The following CCL14 variants were observed in gnomAD, a reference collection of about 807,000 sequenced individuals.
CCL14 encodes the protein C-C motif chemokine 14.
A neutral mutation model predicts 8.2 loss-of-function variants in CCL14; 8 were observed. The ratio of observed to expected loss-of-function variants is 0.98; its 90% CI spans 0.57 to 1.76. CCL14 has a LOEUF of 1.76. Among genes scored for constraint, CCL14 ranks in the 40% most tolerant of loss-of-function variants. CCL14 has a pLI of 0.00. For synonymous variants in CCL14, 50 were observed against 43.2 expected (o/e 1.16, Z -0.62); for missense variants, 127 against 118.3 (o/e 1.07, Z -0.34).
chr17:35,983,777 C>T lies in CCL14; in HGVS notation c.*24G>A. ...CTTCTCTTTATGTCTCTGAGCTGTG[C>T]CTTCGCCACCCCTTCTGGGTCACTC... is the stretch of plus-strand genomic sequence containing the variant. On this transcript the variant is annotated 3_prime_UTR_variant, in exon 3 of 3. Transcript: ENST00000618404. The T allele has an allele frequency of 5.2e-6, 8 of 1,546,746 alleles. No individual in the cohort carries two copies. Among genetic ancestry groups the T allele is most frequent in the Non-Finnish European group, 7.2e-6 (8 of 1,118,626 alleles).
At position 35,986,715 on chromosome 17, in the gene CCL14, G is replaced by GC. The variant is rs1304759549; in HGVS notation, c.-67_-66insG. 8.6e-7 allele frequency: 1 copy of GC among 1,161,154 alleles called. No homozygotes were observed. The highest frequency in any genetic ancestry group is 1.7e-5 in the Admixed American group (1 of 57,238). The allele number at this position is 1,161,154 out of a possible 1,614,324, so 71.9% of individuals were successfully genotyped here. On this transcript the variant is annotated 5_prime_UTR_variant, in exon 1 of 3. Coordinates refer to ENST00000618404, the MANE Select transcript of CCL14 (RefSeq NM_032963.4). ...GAGCTTCAGAGGCTCCTGCGGTGAG[G>GC]AATTGTTGAGAAATGATCATTGAGG...
chr17:35,984,612 C>T (rs1401882669), intron 1 of CCL14, 160 bp from the exon 2 acceptor site: 3 of 615,446 alleles, frequency 4.9e-6, no homozygotes, highest in East Asian at 5.5e-5. Context: ...TCTTCTCCTT[C>T]TCCATGGTAC....
At chr17:35,984,767 C>G (rs767011417) in intron 1 of CCL14, 5 of 490,706 alleles carry the variant, frequency 1.0e-5, no homozygotes, top group African/African-American at 7.7e-5. Context: ...TCTCTGGGGG[C>G]CGACTGGCAG....
chr17:35,983,778 C>A lies in CCL14; in HGVS notation c.*23G>T. 1 of 1,561,814 alleles carries A rather than the reference C, an allele frequency of 6.4e-7. No individual in the cohort carries two copies. Among genetic ancestry groups the A allele is most frequent in the South Asian group, 1.1e-5 (1 of 90,002 alleles). ...TTCTCTTTATGTCTCTGAGCTGTGC[C>A]TTCGCCACCCCTTCTGGGTCACTCA... is the stretch of plus-strand genomic sequence containing the variant. On this transcript the variant is annotated 3_prime_UTR_variant, in exon 3 of 3. Coordinates refer to ENST00000618404, the MANE Select transcript of CCL14 (RefSeq NM_032963.4).
chr17:35,985,808 G>A, intron 1 of CCL14: 2 of 1,548,178 alleles, frequency 1.3e-6, no homozygotes, highest in Non-Finnish European at 1.7e-6. Context: ...GAAAAGGAGA[G>A]TAGGTAAAAT....
chr17:35,984,555 G>C, intron 1 of CCL14, 103 bp from the exon 2 acceptor site: 3 of 733,232 alleles, frequency 4.1e-6, no homozygotes, highest in South Asian at 1.5e-5. Context: ...GGAAGGAGGA[G>C]ACAGCCCCTC....
At position 35,983,863 on chromosome 17, in the gene CCL14, C is replaced by T. The variant is rs139591348; in HGVS notation, c.220G>A (p.Val74Ile). 789 of 1,613,958 alleles carry T rather than the reference C, an allele frequency of 4.9e-4. 2 individuals carry two copies. Among genetic ancestry groups the T allele is most frequent in the Non-Finnish European group, 6.4e-4 (750 of 1,179,862 alleles). The change falls in exon 3 of 3, where the codon GTC (valine) becomes ATC (isoleucine). Residue 74 changes from valine (V) to isoleucine (I), a missense_variant. Transcript: ENST00000618404. The part of the protein sequence containing the change: ...IVFITKRGHS[V>I]CTNPSDKWVQ... ...CACTTGTCACTGGGGTTGGTACAGA[C>T]GGAATGGCCCCTTTTGGTGATGAAG... is the stretch of plus-strand genomic sequence containing the variant.
Position 35,983,828 on chromosome 17 carries a change from G to T in CCL14, c.255C>A (p.Asp85Glu). Residue 85 changes from aspartate (D) to glutamate (E), a missense_variant, in exon 3 of 3, where the codon GAC (aspartate) becomes GAA (glutamate). By Grantham distance (45) the Asp-to-Glu change is conservative. Transcript: ENST00000618404. ...AGTTCTCCTTCATGTCCTTGATATA[G>T]TCCTGGACCCACTTGTCACTGGGGT... Reference protein sequence around the residue: ...CTNPSDKWVQDYIKDMKEN With the variant: ...CTNPSDKWVQEYIKDMKEN The T allele has an allele frequency of 6.2e-7, 1 of 1,613,912 alleles. No individual in the cohort carries two copies. The highest frequency in any genetic ancestry group is 2.2e-5 in the East Asian group (1 of 44,874).
At chr17:35,986,039 T>C (rs983219094) in intron 1 of CCL14, 1 of 531,268 alleles carries the variant, frequency 1.9e-6, no homozygotes, top group Non-Finnish European at 3.3e-6. Context: ...AAGACACTGC[T>C]CCTAATCTCC....
chr17:35,985,417 G>C (rs1220745385), intron 1 of CCL14: 3 of 315,342 alleles, frequency 9.5e-6, no homozygotes, highest in Non-Finnish European at 1.7e-5. Context: ...TAGCAGGAAG[G>C]ACATTGTAGG....
chr17:35,984,472 T>C lies in CCL14; in HGVS notation c.80-20A>G. 2 of 1,561,598 alleles carry C rather than the reference T, an allele frequency of 1.3e-6. No homozygotes were observed. Among genetic ancestry groups the C allele is most frequent in the South Asian group, 1.1e-5 (1 of 89,984 alleles). On this transcript the variant is annotated intron_variant, in intron 1 of 2. Coordinates refer to ENST00000618404, the MANE Select transcript of CCL14 (RefSeq NM_032963.4). ...GTCCCCCTGAGGAGAGAGCATCAGA[T>C]GCTGAGGAGGGGCCCCTTGTTAAAG...
In CCL14 at chr17:35,983,470, G is replaced by T; in HGVS notation, c.*331C>A. ...CTACTGTTGTTGCTGAGGAGGAGAC[G>T]GTCTTTACACTGCTTTTCTTTCTCA... is the stretch of plus-strand genomic sequence containing the variant. On this transcript the variant is annotated 3_prime_UTR_variant, in exon 3 of 3. Coordinates refer to ENST00000618404, the MANE Select transcript of CCL14 (RefSeq NM_032963.4). 1 of 281,146 alleles carries T rather than the reference G, an allele frequency of 3.6e-6. No individual in the cohort carries two copies. Among genetic ancestry groups the T allele is most frequent in the Admixed American group, 4.7e-5 (1 of 21,174 alleles). 17.4% of individuals were successfully genotyped at this position (281,146 alleles called of 1,614,324 possible). A position where few individuals can be genotyped will look rare whatever the true frequency, so the allele number is the denominator to read the frequency against.
rs1016394329 is a variant in CCL14 at position 35,986,045 on chromosome 17, T to A, written c.79+526A>T. 6 of 522,622 alleles carry A rather than the reference T, an allele frequency of 1.1e-5. No homozygotes were observed. In the African/African-American group the frequency reaches 1.2e-4, roughly 10 times the overall value. 32.4% of individuals were successfully genotyped at this position (522,622 alleles called of 1,614,324 possible). A position where few individuals can be genotyped will look rare whatever the true frequency, so the allele number is the denominator to read the frequency against. On this transcript the variant is annotated intron_variant, in intron 1 of 2. Coordinates refer to ENST00000618404, the MANE Select transcript of CCL14 (RefSeq NM_032963.4). ...GAGGGGCTCAAGACACTGCTCCTAA[T>A]CTCCCTGAGGAAATATACCCCAAAT...
At chr17:35,986,005 T>C (rs2141996216) in intron 1 of CCL14, 2 of 565,926 alleles carry the variant, frequency 3.5e-6, no homozygotes, top group Middle Eastern at 2.8e-4. Context: ...AGGAGGCCAA[T>C]AGAAAAATGC....
At chr17:35,986,380 AC>A in intron 1 of CCL14, 190 bp downstream of exon 1, 1 of 597,108 alleles carries the variant, frequency 1.7e-6, no homozygotes, top group East Asian at 2.8e-5. Flanking sequence ...TGCTCACCAC[AC>A]CATGGGGTGA....
intron 1 of CCL14, 54 bp from the exon 2 acceptor site, chr17:35,984,506 A>T: frequency 8.8e-7 from 1 of 1,139,952 alleles, no homozygotes; most frequent in South Asian, 1.2e-5. Flanking sequence ...AGGCCATACC[A>T]TTGGCTGCTC....
chr17:35,986,617 G>A lies in CCL14; in HGVS notation c.33C>T (p.Phe11=), dbSNP rs1179476930. The A allele has an allele frequency of 4.3e-6, 7 of 1,613,944 alleles. No homozygotes were observed. In the Admixed American group the frequency reaches 1.0e-4, roughly 23 times the overall value. The stretch of plus-strand genomic sequence containing the variant: ...TCCCTAGGGCGATGGTGATGAGGAG[G>A]AAGAAGGGAATGGCAGCCACGGAGA... The part of the protein sequence containing the change: MKISVAAIPF[F]LLITIALGTK... Residue 11 remains phenylalanine, a synonymous_variant, in exon 1 of 3, where the codon TTC becomes TTT. Coordinates refer to ENST00000618404, the MANE Select transcript of CCL14 (RefSeq NM_032963.4).
intron 1 of CCL14, chr17:35,984,766 G>A (rs898253658): frequency 2.0e-6 from 1 of 489,918 alleles, no homozygotes; most frequent in Admixed American, 3.6e-5. Context: ...ATCTCTGGGG[G>A]CCGACTGGCA....
At chr17:35,984,485 C>T (rs777385639) in intron 1 of CCL14, 33 bp from the exon 2 acceptor site, 1 of 1,485,976 alleles carries the variant, frequency 6.7e-7, no homozygotes, top group South Asian at 1.1e-5. Flanking sequence ...TGAGGAGGGG[C>T]CCCTTGTTAA....
Sources: allele counts gnomAD v4.1 joint callset, GRCh38; gene constraint gnomAD v4.1.1; transcripts MANE v1.5; gene names NCBI Gene and HGNC (gene_info 2026-07-23, HGNC 2026-07-21).